Variants in STRIP1 observed in about 807,000 individuals in gnomAD.
The protein encoded by STRIP1 is striatin interacting protein 1, also known as striatin-interacting protein 1.
STRIP1 carries 63 observed loss-of-function variants against 106.2 expected under a neutral mutation model. The observed-to-expected ratio is 0.59, with a 90% CI of 0.48 to 0.73. The LOEUF (loss-of-function observed/expected upper bound fraction) is 0.73. STRIP1 is among the 30% of genes least tolerant of loss of function. STRIP1 has a pLI of 0.00. For missense variants in STRIP1, 857 were observed against 1,074.8 expected, an observed-to-expected ratio of 0.80 and a Z score of 2.83; for synonymous variants, 390 against 413.0, an observed-to-expected ratio of 0.94 and a Z score of 0.67.
chr1:110,051,585 T>A, intron 19 of STRIP1, 98 bp from the exon 20 acceptor site: 1 of 1,248,124 alleles, frequency 8.0e-7, no homozygotes, highest in Non-Finnish European at 1.1e-6. Flanking sequence ...TTTGTCACCC[T>A]GACAGTAACT....
At chr1:110,042,830 T>C (rs965433598) in intron 8 of STRIP1, 1 of 408,668 alleles carries the variant, frequency 2.4e-6, no homozygotes, top group African/African-American at 2.0e-5. Context: ...GAGTATGTCA[T>C]AGGTGCAGAG....
Position 110,047,763 on chromosome 1 carries a change from T to G in STRIP1, c.1564-9T>G, listed in dbSNP as rs923683191. ...TCAGACCTGTGTCTGAATGGTCTAC[T>G]CTTCCCAGATTGCCCTCCTGAAGAT... On this transcript the variant is annotated splice_polypyrimidine_tract_variant and intron_variant, in intron 14 of 20. Transcript: ENST00000369795. 2 of 1,562,106 alleles carry G rather than the reference T, an allele frequency of 1.3e-6. No individual in the cohort carries two copies. Among genetic ancestry groups the G allele is most frequent in the African/African-American group, 1.4e-5 (1 of 73,832 alleles).
Position 110,051,754 on chromosome 1 carries a change from C to T in STRIP1, c.2133C>T (p.Leu711=). 4 of 1,613,794 alleles carry T rather than the reference C, an allele frequency of 2.5e-6. No homozygotes were observed. The South Asian group carries it at 4.4e-5, about 18-fold the overall frequency. The change falls in exon 20 of 21, where the codon CTC becomes CTT. Residue 711 remains leucine, a synonymous_variant. Transcript: ENST00000369795. The part of the protein sequence containing the change: ...ALKVKQAMMQ[L]YVLKLLKVQT... ...AGGTGAAACAAGCCATGATGCAGCT[C>T]TATGTGCTGAAGCTGCTCAAGGTAC...
chr1:110,044,982 G>A lies in STRIP1; in HGVS notation c.1353-33G>A, dbSNP rs201781789. On this transcript the variant is annotated intron_variant, in intron 11 of 20. Transcript: ENST00000369795. ...TTGGGATCCCAGGTGATTTGATGTCGAGGCTCAACACAGGGCCTTCTTTAT... is the reference window on the plus strand; with the variant it reads ...TTGGGATCCCAGGTGATTTGATGTCAAGGCTCAACACAGGGCCTTCTTTAT... 1.3e-4 allele frequency: 213 copies of A among 1,613,684 alleles called. No homozygotes were observed. The African/African-American group carries it at 2.3e-3, about 17-fold the overall frequency.
rs376324417 is a variant in STRIP1 at position 110,043,159 on chromosome 1, G to A, written c.957G>A (p.Pro319=). Residue 319 remains proline, a synonymous_variant, in exon 9 of 21, where the codon CCG becomes CCA. Coordinates refer to ENST00000369795, the MANE Select transcript of STRIP1 (RefSeq NM_033088.4). ...AGCGCAGCATCCTGGGCCTCCCCCC[G>A]CTTCCTGAGGACAGCATCAAAGTGA... ...AEKRSILGLP[P]LPEDSIKVIR... The A allele has an allele frequency of 1.1e-5, 18 of 1,613,902 alleles. No homozygotes were observed. Among genetic ancestry groups the A allele is most frequent in the Admixed American group, 5.0e-5 (3 of 60,008 alleles).
Position 110,034,680 on chromosome 1 carries a change from A to C in STRIP1, c.43A>C (p.Asn15His). ...CGGTCCGGGCCCACTGATCGTGAACAACAAACAGCCCCAGCCCCCGCCACC... is the reference window on the plus strand; with the variant it reads ...CGGTCCGGGCCCACTGATCGTGAACCACAAACAGCCCCAGCCCCCGCCACC... ...VGGPGPLIVN[N>H]KQPQPPPPPP... Residue 15 changes from asparagine to histidine, a missense_variant, in exon 1 of 21, where the codon AAC becomes CAC. Coordinates refer to ENST00000369795, the MANE Select transcript of STRIP1 (RefSeq NM_033088.4). 1 of 1,524,882 alleles carries C rather than the reference A, an allele frequency of 6.6e-7. No individual in the cohort carries two copies. The highest frequency in any genetic ancestry group is 8.8e-7 in the Non-Finnish European group (1 of 1,137,258). 94.5% of individuals were successfully genotyped at this position (1,524,882 alleles called of 1,614,324 possible). A position where few individuals can be genotyped will look rare whatever the true frequency, so the allele number is the denominator to read the frequency against.
chr1:110,046,653 C>A, intron 12 of STRIP1, 27 bp from the exon 13 acceptor site: 1 of 1,608,328 alleles, frequency 6.2e-7, no homozygotes, highest in Non-Finnish European at 8.5e-7. Flanking sequence ...TTTTCCCCAG[C>A]CCTTCTTTTC....
At chr1:110,044,953 G>C in intron 11 of STRIP1, 48 bp downstream of exon 11, 1 of 1,613,588 alleles carries the variant, frequency 6.2e-7, no homozygotes. Context: ...CCGGCCTTTG[G>C]TGTTTGGGAT....
chr1:110,053,924 AGGGG>A lies in STRIP1; in HGVS notation c.*13_*16del. On this transcript the variant is annotated 3_prime_UTR_variant, in exon 21 of 21. Transcript: ENST00000369795. ...AGCTGCTGCAGTGAGGCTGTTGGTT[AGGGG>A]ACTGAAATGGAGAGAAAAGATGATC... The A allele has an allele frequency of 6.2e-7, 1 of 1,613,776 alleles. No individual in the cohort carries two copies. The highest frequency in any genetic ancestry group is 8.5e-7 in the Non-Finnish European group (1 of 1,179,870).
intron 12 of STRIP1, among the ~76,000 whole-genome samples, chr1:110,046,118 GA>G (rs1349482374): frequency 2.6e-5 from 4 of 152,312 alleles, no homozygotes; most frequent in Middle Eastern, 3.4e-3. Context: ...GTAGCTATCT[GA>G]AAGGCCATTT....
Position 110,043,202 on chromosome 1 carries a change from G to A in STRIP1, c.1000G>A (p.Ala334Thr). The A allele has an allele frequency of 6.2e-7, 1 of 1,613,920 alleles. No individual in the cohort carries two copies. Among genetic ancestry groups the A allele is most frequent in the Non-Finnish European group, 8.5e-7 (1 of 1,180,038 alleles). ...SIKVIRNMRA[A>T]SPPASASDLI... ...CAAAGTGATTCGCAACATGAGAGCA[G>A]CCTCTCCACCAGCATCTGCTTCAGA... is the stretch of plus-strand genomic sequence containing the variant. The change falls in exon 9 of 21, where the codon GCC becomes ACC. Residue 334 changes from alanine (A) to threonine (T), a missense_variant. Coordinates refer to ENST00000369795, the MANE Select transcript of STRIP1 (RefSeq NM_033088.4).
chr1:110,052,325 G>A (rs769202454), intron 20 of STRIP1, among the ~76,000 whole-genome samples: 8 of 152,150 alleles, frequency 5.3e-5, no homozygotes, highest in Non-Finnish European at 8.8e-5. Context: ...GCTAGAGTGC[G>A]ATCCTGGCTC....
chr1:110,051,866 G>A lies in STRIP1; in HGVS notation c.2245G>A (p.Asp749Asn), dbSNP rs753464894. The A allele has an allele frequency of 8.7e-6, 14 of 1,612,480 alleles. No individual in the cohort carries two copies. The highest frequency in any genetic ancestry group is 1.7e-5 in the Admixed American group (1 of 60,026). The change falls in exon 20 of 21, where the codon GAC (aspartate) becomes AAC (asparagine). Residue 749 changes from aspartate to asparagine, a missense_variant. Asp to Asn is a conservative substitution (Grantham distance 23, BLOSUM62 1). Coordinates refer to ENST00000369795, the MANE Select transcript of STRIP1 (RefSeq NM_033088.4). ...CCAGAAGGTGCGGCATCGGCTGAAC[G>A]ACGACTGGGCATACGGCAATGGTGA... ...IYQKVRHRLN[D>N]DWAYGNDLDA...
intron 17 of STRIP1, 86 bp from the exon 18 acceptor site, chr1:110,050,257 A>T: frequency 7.6e-7 from 1 of 1,324,154 alleles, no homozygotes; most frequent in Non-Finnish European, 1.1e-6. Context: ...GAGGGAGGAA[A>T]GCTGGGAGCT....
rs753170429 is a variant in STRIP1, at chr1:110,043,723, AATG to A, written c.1161_1163del (p.Asp388del). ...TGACTCTCGAGAAGAGGAAGAGGAG[AATG>A]ATGATGACAACAGTCTGGAGGGGGA... On this transcript the variant is annotated inframe_deletion, in exon 10 of 21. Transcript: ENST00000369795. 2.5e-6 allele frequency: 4 copies of A among 1,614,108 alleles called. No individual in the cohort carries two copies. Among genetic ancestry groups the A allele is most frequent in the African/African-American group, 2.7e-5 (2 of 75,030 alleles).
chr1:110,039,752 C>A, intron 5 of STRIP1: 1 of 1,172,708 alleles, frequency 8.5e-7, no homozygotes, highest in Non-Finnish European at 1.2e-6. Context: ...CCAGACAGTG[C>A]AGGCCCTGCC....
At chr1:110,031,926 G>T (rs753054643), upstream of STRIP1, among the ~76,000 whole-genome samples, 2 of 147,188 alleles carry the variant, frequency 1.4e-5, no homozygotes, top group Non-Finnish European at 3.0e-5. Flanking sequence ...TAGAGATAGG[G>T]TCTCGCTCTG....
Position 110,054,003 on chromosome 1 carries a change from C to T in STRIP1, c.*91C>T, listed in dbSNP as rs1278627316. 5 of 1,502,638 alleles carry T rather than the reference C, an allele frequency of 3.3e-6. No individual in the cohort carries two copies. Among genetic ancestry groups the T allele is most frequent in the Admixed American group, 1.8e-5 (1 of 57,064 alleles). 93.1% of individuals were successfully genotyped at this position (1,502,638 alleles called of 1,614,324 possible). Reference sequence around the variant, plus strand: ...AGTTCATTGCTGCAGTGCTCCCATCCCCCACCAGGTGGCAGCACAGCCCCA... The same window carrying T: ...AGTTCATTGCTGCAGTGCTCCCATCTCCCACCAGGTGGCAGCACAGCCCCA... On this transcript the variant is annotated 3_prime_UTR_variant, in exon 21 of 21. Transcript: ENST00000369795.
intron 12 of STRIP1, among the ~76,000 whole-genome samples, chr1:110,046,003 T>G (rs571652944): frequency 5.9e-5 from 9 of 152,282 alleles, no homozygotes; most frequent in African/African-American, 1.9e-4. Flanking sequence ...TGAAACTGTT[T>G]TTATGTTTTT....
Sources: allele counts gnomAD v4.1 joint callset (sites outside exome capture counted in the v4.1 genomes callset), GRCh38; gene constraint gnomAD v4.1.1; transcripts MANE v1.5; gene names NCBI Gene and HGNC (gene_info 2026-07-23, HGNC 2026-07-21).